Variants in GUCY1B1 observed in about 807,000 individuals in gnomAD.
GUCY1B1 encodes guanylate cyclase 1 soluble subunit beta 1, also known as guanylate cyclase soluble subunit beta-1.
In GUCY1B1, 43 loss-of-function variants were observed where a neutral mutation model predicts 71.0. That is an observed-to-expected ratio of 0.61 (90% CI 0.47 to 0.78). The LOEUF (loss-of-function observed/expected upper bound fraction) is 0.78, where lower values mean the gene tolerates loss of function less well. Among genes scored for constraint, GUCY1B1 ranks in the 30% least tolerant of loss-of-function variants. The pLI is 0.00. For missense variants in GUCY1B1, 535 were observed against 754.1 expected (o/e 0.71, Z 3.40); for synonymous variants, 266 against 259.7 (o/e 1.02, Z -0.23).
In GUCY1B1 at chr4:155,800,128, A is replaced by G. The variant is rs965892378; in HGVS notation, c.1175+54A>G. The G allele has an allele frequency of 4.0e-6, 5 of 1,234,738 alleles. No homozygotes were observed. The African/African-American group carries it at 6.1e-5, about 15-fold the overall frequency. The allele number at this position is 1,234,738 out of a possible 1,614,324, so 76.5% of individuals were successfully genotyped here. ...GTTATTCATAACATAATGTGACTCTACTATATTTAAGTTTGAGAACCAGAC... is the reference window on the plus strand; with the variant it reads ...GTTATTCATAACATAATGTGACTCTGCTATATTTAAGTTTGAGAACCAGAC... On this transcript the variant is annotated intron_variant, in intron 9 of 13. Transcript: ENST00000264424.
Position 155,807,357 on chromosome 4 carries a change from A to G in GUCY1B1, c.*948A>G, listed in dbSNP as rs183392046. 1 of 152,300 alleles carries G rather than the reference A, an allele frequency of 6.6e-6. No individual in the cohort carries two copies. The highest frequency in any genetic ancestry group is 1.9e-4 in the East Asian group (1 of 5,190). 9.4% of individuals were successfully genotyped at this position (152,300 alleles called of 1,614,324 possible). Reference sequence around the variant, plus strand: ...TGATTATATCCAGGACATCATGTTCAGAAAACTTAGTTTACTTTCAGCATA... The same window carrying G: ...TGATTATATCCAGGACATCATGTTCGGAAAACTTAGTTTACTTTCAGCATA... On this transcript the variant is annotated 3_prime_UTR_variant, in exon 14 of 14. Coordinates refer to ENST00000264424, the MANE Select transcript of GUCY1B1 (RefSeq NM_000857.5).
chr4:155,764,019 A>G, intron 2 of GUCY1B1, among the ~76,000 whole-genome samples: 1 of 146,826 alleles, frequency 6.8e-6, no homozygotes. Context: ...AATTTTTTTT[A>G]TCACTCTAGG....
At chr4:155,790,449 T>C (rs1413125503) in intron 5 of GUCY1B1, among the ~76,000 whole-genome samples, 2 of 152,336 alleles carry the variant, frequency 1.3e-5, no homozygotes, top group East Asian at 1.9e-4. Context: ...TGTGCTGTTA[T>C]TGATAATACA....
intron 3 of GUCY1B1, among the ~76,000 whole-genome samples, chr4:155,776,705 GT>G (rs1162204007): frequency 2.6e-5 from 4 of 152,018 alleles, no homozygotes; most frequent in African/African-American, 9.7e-5. Flanking sequence ...GAAAATTTAA[GT>G]TTTAGGAAAT....
chr4:155,773,915 C>CTGACCTCGTGATCT (rs879835796), intron 2 of GUCY1B1, among the ~76,000 whole-genome samples: 2 of 152,116 alleles, frequency 1.3e-5, no homozygotes, highest in Non-Finnish European at 2.9e-5. Flanking sequence ...TCTTGATCTC[C>CTGACCTCGTGATCT]TGACCTCGTG....
chr4:155,802,586 G>A lies in GUCY1B1; in HGVS notation c.1413+7G>A, dbSNP rs768040255. On this transcript the variant is annotated splice_region_variant and intron_variant, in intron 10 of 13. Coordinates refer to ENST00000264424, the MANE Select transcript of GUCY1B1 (RefSeq NM_000857.5). This position sits in a 1 kb window ranked among gnomAD's most constrained non-coding sequence, Gnocchi z 4.3. ...AAACCCATTTGTTTATAAGGCAAGT[G>A]TTCTTTATCGCTGACTGCAGAGCTA... The A allele has an allele frequency of 1.3e-6, 2 of 1,566,470 alleles. No individual in the cohort carries two copies. Among genetic ancestry groups the A allele is most frequent in the Admixed American group, 3.6e-5 (2 of 54,906 alleles).
chr4:155,774,858 C>G, intron 2 of GUCY1B1, 110 bp from the exon 3 acceptor site: 2 of 709,092 alleles, frequency 2.8e-6, no homozygotes, highest in South Asian at 1.6e-5. Flanking sequence ...CCAAAAAAAC[C>G]AAATTCTATT....
intron 8 of GUCY1B1, among the ~76,000 whole-genome samples, chr4:155,799,121 C>T (rs1183324517): frequency 6.6e-6 from 1 of 152,128 alleles, no homozygotes; most frequent in Non-Finnish European, 1.5e-5. Flanking sequence ...CAGATGTGAG[C>T]CACTGTGCCC....
intron 2 of GUCY1B1, 145 bp from the exon 3 acceptor site, chr4:155,774,823 C>A: frequency 1.6e-6 from 1 of 618,372 alleles, no homozygotes; most frequent in Non-Finnish European, 2.9e-6. Context: ...ATTTTAGGTA[C>A]ATGATGATGT....
rs964054378 is a variant in GUCY1B1, at chr4:155,768,536, C to T, written c.78-6432C>T. ...ATTAATTCATTCACTAATTTTTAAA[C>T]ATGTATACCTTTATTAAGCACATGT... is the stretch of plus-strand genomic sequence containing the variant. On this transcript the variant is annotated intron_variant, in intron 2 of 13. Transcript: ENST00000264424. Among the ~76,000 whole-genome samples, 3 of 140,674 alleles carry T rather than the reference C, an allele frequency of 2.1e-5. No individual in the cohort carries two copies. The Admixed American group carries it at 2.3e-4, about 11-fold the overall frequency. 92.3% of individuals were successfully genotyped at this position (140,674 alleles called of 152,430 possible). A position where few individuals can be genotyped will look rare whatever the true frequency, so the allele number is the denominator to read the frequency against.
At position 155,759,042 on chromosome 4, in the gene GUCY1B1, C is replaced by G. The variant is rs555528664; in HGVS notation, c.-99C>G. The G allele has an allele frequency of 2.0e-4, 267 of 1,310,198 alleles. No homozygotes were observed. In the African/African-American group the frequency reaches 3.3e-3, roughly 16 times the overall value. The allele number at this position is 1,310,198 out of a possible 1,614,324, so 81.2% of individuals were successfully genotyped here. ...TCTCGCTCCAGCTCGATGCTGCCTC[C>G]CCGGCCCGGTTGCGCTGTAGCCGCT... On this transcript the variant is annotated 5_prime_UTR_variant, in exon 1 of 14. Transcript: ENST00000264424.
chr4:155,804,551 T>C lies in GUCY1B1; in HGVS notation c.1555-42T>C, dbSNP rs775762581. 2.6e-6 allele frequency: 4 copies of C among 1,515,850 alleles called. No homozygotes were observed. In the African/African-American group the frequency reaches 4.2e-5, roughly 16 times the overall value. The allele number at this position is 1,515,850 out of a possible 1,614,324, so 93.9% of individuals were successfully genotyped here. On this transcript the variant is annotated intron_variant, in intron 11 of 13. Coordinates refer to ENST00000264424, the MANE Select transcript of GUCY1B1 (RefSeq NM_000857.5). ...AAATAAAAAAAAAAAAATTCATGTG[T>C]TAGTGATCAAAATGATTGAAGCAAA...
chr4:155,770,686 G>A (rs115193303), intron 2 of GUCY1B1, among the ~76,000 whole-genome samples: 1,552 of 152,280 alleles, frequency 0.01, 17 homozygotes, highest in African/African-American at 0.036. Flanking sequence ...ATGAAGAATA[G>A]GCTAGAGAAG....
At chr4:155,800,366 G>A (rs1203155058) in intron 9 of GUCY1B1, among the ~76,000 whole-genome samples, 1 of 152,196 alleles carries the variant, frequency 6.6e-6, no homozygotes, top group Non-Finnish European at 1.5e-5. Context: ...TTCAAAAATT[G>A]AAGTTTAACT....
At chr4:155,778,158 A>G (rs1366856458) in intron 4 of GUCY1B1, among the ~76,000 whole-genome samples, 2 of 152,220 alleles carry the variant, frequency 1.3e-5, no homozygotes, top group Non-Finnish European at 2.9e-5. Context: ...CATTAGTTAA[A>G]TATTAATTAA....
intron 8 of GUCY1B1, among the ~76,000 whole-genome samples, chr4:155,797,294 TA>T (rs1739621139): frequency 6.6e-6 from 1 of 152,272 alleles, no homozygotes. Flanking sequence ...AGCTATTGGT[TA>T]AAAATTTAAT....
At chr4:155,805,420 C>T (rs1034365762) in intron 13 of GUCY1B1, among the ~76,000 whole-genome samples, 191 bp downstream of exon 13, 1 of 152,114 alleles carries the variant, frequency 6.6e-6, no homozygotes. Context: ...TTAGGGGATA[C>T]TTTAGTGATT....
intron 8 of GUCY1B1, among the ~76,000 whole-genome samples, chr4:155,797,055 CAG>C (rs1739603996): frequency 6.6e-6 from 1 of 151,988 alleles, no homozygotes; most frequent in Admixed American, 6.6e-5. Flanking sequence ...TAATAAACGT[CAG>C]AGAAAAATAA....
At chr4:155,786,471 T>C (rs1165914182) in intron 4 of GUCY1B1, among the ~76,000 whole-genome samples, 18 of 114,120 alleles carry the variant, frequency 1.6e-4, no homozygotes, top group Admixed American at 6.0e-4. Context: ...CTTTTTTTTT[T>C]TTTTTTTTTT....
Sources: gnomAD v4.1 joint callset for allele counts (sites outside exome capture counted in the v4.1 genomes callset) on GRCh38, gnomAD v4.1.1 for gene constraint, Gnocchi (gnomAD v3.1) non-coding constraint, MANE v1.5 for transcripts, NCBI Gene and HGNC (gene_info 2026-07-23, HGNC 2026-07-21) for gene names.